The following FHIT variants were observed in gnomAD, a reference collection of about 807,000 sequenced individuals.
FHIT encodes the protein bis(5'-adenosyl)-triphosphatase.
In FHIT, 19 loss-of-function variants were observed where a neutral mutation model predicts 17.9. The observed-to-expected ratio is 1.06, with a 90% CI of 0.74 to 1.56. The LOEUF (loss-of-function observed/expected upper bound fraction) is 1.56. Ranked by LOEUF, FHIT falls within the 40% of genes most tolerant of loss-of-function variation. The pLI is 0.00. For synonymous variants in FHIT, 81 were observed against 69.7 expected (o/e 1.16, Z -0.81); for missense variants, 248 against 189.2 (o/e 1.31, Z -1.82).
intron 4 of FHIT, among the ~76,000 whole-genome samples, chr3:60,669,018 C>G (rs1348253390): frequency 1.3e-5 from 2 of 152,148 alleles, no homozygotes; most frequent in African/African-American, 4.8e-5. Context: ...TATTTCCATT[C>G]ATTTTTTGGC....
At chr3:60,724,586 T>A (rs954078128) in intron 4 of FHIT, among the ~76,000 whole-genome samples, 24 of 151,864 alleles carry the variant, frequency 1.6e-4, no homozygotes, top group Admixed American at 3.9e-4. Context: ...TACTTACCAA[T>A]GGCAGTGTAA....
rs1553654525 is a variant in FHIT at position 60,027,148 on chromosome 3, C to CACACAAAAAAAA, written c.104-12997_104-12996insTTTTTTTTGTGT. Among the ~76,000 whole-genome samples, 21 of 125,840 alleles carry CACACAAAAAAAA rather than the reference C, an allele frequency of 1.7e-4. 1 individual carries two copies. Among genetic ancestry groups the CACACAAAAAAAA allele is most frequent in the African/African-American group, 5.7e-4 (21 of 36,946 alleles). The allele number at this position is 125,840 out of a possible 152,430, so 82.6% of individuals were successfully genotyped here. A position where few individuals can be genotyped will look rare whatever the true frequency, so the allele number is the denominator to read the frequency against. On this transcript the variant is annotated intron_variant, in intron 5 of 9. Transcript: ENST00000492590. ...ACACACACACACACACACACACACA[C>CACACAAAAAAAA]AAAATTAGTAAACCCAATAATCCAC...
chr3:59,914,299 T>G (rs1191113372), intron 8 of FHIT, among the ~76,000 whole-genome samples: 2 of 152,116 alleles, frequency 1.3e-5, no homozygotes, highest in African/African-American at 4.8e-5. Context: ...TGCTACCAAA[T>G]TGAACATTAA....
chr3:60,538,865 C>T (rs1009543573), intron 4 of FHIT, among the ~76,000 whole-genome samples: 1 of 152,006 alleles, frequency 6.6e-6, no homozygotes, highest in Admixed American at 6.6e-5. Context: ...CAATACCATT[C>T]AGGACATAGG....
intron 5 of FHIT, among the ~76,000 whole-genome samples, chr3:60,509,262 G>A (rs779983206): frequency 1.5e-4 from 23 of 152,128 alleles, no homozygotes; most frequent in Non-Finnish European, 2.5e-4. Flanking sequence ...TGTCATTACC[G>A]CAACCAGGAT....
chr3:60,202,733 C>T (rs1368069617), intron 5 of FHIT, among the ~76,000 whole-genome samples: 1 of 152,124 alleles, frequency 6.6e-6, no homozygotes, highest in African/African-American at 2.4e-5. Flanking sequence ...TGTTTCCCAT[C>T]ATAAGGCCAA....
At chr3:60,091,242 C>T (rs534654440) in intron 5 of FHIT, among the ~76,000 whole-genome samples, 5 of 152,290 alleles carry the variant, frequency 3.3e-5, no homozygotes, top group Admixed American at 3.3e-4. Context: ...TCTCCTAAAG[C>T]CCATCCAGGC....
intron 8 of FHIT, among the ~76,000 whole-genome samples, chr3:59,894,116 C>T (rs552691493): frequency 7.2e-5 from 11 of 152,074 alleles, no homozygotes; most frequent in African/African-American, 1.7e-4. Flanking sequence ...TGGTGGTGCA[C>T]GCCTGTAGTC....
intron 5 of FHIT, among the ~76,000 whole-genome samples, chr3:60,378,602 T>C (rs754279623): frequency 2.0e-5 from 3 of 152,198 alleles, no homozygotes; most frequent in East Asian, 3.9e-4. Context: ...AAAGGAAGTA[T>C]CTTTCAAAAG....
chr3:60,298,585 T>C (rs2088310), intron 5 of FHIT, among the ~76,000 whole-genome samples: 85,451 of 152,020 alleles, frequency 0.56, 25,075 homozygotes, highest in East Asian at 0.96. Context: ...AGTCTTTCAA[T>C]GTTAAGTATG....
chr3:61,076,015 C>T (rs761305140), intron 2 of FHIT, among the ~76,000 whole-genome samples: 14 of 152,082 alleles, frequency 9.2e-5, no homozygotes, highest in Admixed American at 5.9e-4. Flanking sequence ...CTCATAAGTG[C>T]CCTATGACCA....
intron 5 of FHIT, among the ~76,000 whole-genome samples, chr3:60,195,574 A>T (rs60123207): frequency 1.2e-3 from 24 of 20,622 alleles, no homozygotes; most frequent in East Asian, 6.3e-3. Flanking sequence ...TATTTATATA[A>T]TTATATTTAT....
At chr3:60,235,538 C>T (rs773678972) in intron 5 of FHIT, among the ~76,000 whole-genome samples, 4 of 152,046 alleles carry the variant, frequency 2.6e-5, no homozygotes, top group Non-Finnish European at 5.9e-5. Flanking sequence ...CATATCTATG[C>T]TTTTAAGTAT....
intron 7 of FHIT, among the ~76,000 whole-genome samples, chr3:59,941,207 T>A (rs900693338): frequency 1.3e-5 from 2 of 152,214 alleles, no homozygotes; most frequent in Non-Finnish European, 2.9e-5. Context: ...TTCTTTTGTG[T>A]ATGCAATAGT....
At chr3:60,486,067 A>C (rs1486307117) in intron 5 of FHIT, among the ~76,000 whole-genome samples, 1 of 152,160 alleles carries the variant, frequency 6.6e-6, no homozygotes. Flanking sequence ...CACCTGTTAC[A>C]GAAAAGCCTC....
chr3:60,730,011 C>G (rs1411677807), intron 4 of FHIT: 1 of 349,272 alleles, frequency 2.9e-6, no homozygotes, highest in African/African-American at 2.2e-5. Context: ...GTTTGGTAAA[C>G]AGTAAACTAT....
intron 8 of FHIT, among the ~76,000 whole-genome samples, chr3:59,787,537 G>C (rs1315142070): frequency 1.4e-5 from 2 of 145,598 alleles, no homozygotes; most frequent in South Asian, 2.3e-4. Flanking sequence ...CACGTCAAAG[G>C]CTTCTCCCTC....
chr3:59,860,822 A>T (rs1477206526), intron 8 of FHIT, among the ~76,000 whole-genome samples: 3 of 152,204 alleles, frequency 2.0e-5, no homozygotes, highest in Non-Finnish European at 4.4e-5. Context: ...ACATTCCCCA[A>T]GCTCCTTCTC....
intron 5 of FHIT, among the ~76,000 whole-genome samples, chr3:60,389,311 T>A (rs1337609037): frequency 6.6e-6 from 1 of 152,178 alleles, no homozygotes; most frequent in Non-Finnish European, 1.5e-5. Context: ...CTACCCTGCA[T>A]GATATTTATG....
Sources: allele counts gnomAD v4.1 joint callset (sites outside exome capture counted in the v4.1 genomes callset), GRCh38; gene constraint gnomAD v4.1.1; transcripts MANE v1.5; gene names NCBI Gene and HGNC (gene_info 2026-07-23, HGNC 2026-07-21).